SUCO: variants seen among roughly 807,000 people sequenced by gnomAD.
SUCO encodes the protein SUN domain-containing ossification factor.
A neutral mutation model predicts 148.1 loss-of-function variants in SUCO; 57 were observed. That is an observed-to-expected ratio of 0.38 (90% confidence interval 0.31 to 0.48). The LOEUF is 0.48. SUCO is among the 20% of genes least tolerant of loss of function. The pLI, the probability that SUCO is intolerant of heterozygous loss-of-function variation, is 0.96. For synonymous variants in SUCO, 470 were observed against 502.7 expected, an observed-to-expected ratio of 0.93 and a Z score of 0.87; for missense variants, 1,331 against 1,468.2, an observed-to-expected ratio of 0.91 and a Z score of 1.53.
chr1:172,609,763 T>C, intron 23 of SUCO, 53 bp from the exon 24 acceptor site: 1 of 1,542,164 alleles, frequency 6.5e-7, no homozygotes, highest in Non-Finnish European at 8.7e-7. Context: ...AGGTGTTTGA[T>C]AAGGTTACTA....
chr1:172,579,067 T>G, intron 14 of SUCO, 135 bp from the exon 15 acceptor site: 1 of 590,552 alleles, frequency 1.7e-6, no homozygotes. Context: ...GAACATGTTT[T>G]AGATATATGA....
chr1:172,546,679 C>T (rs577066609), intron 1 of SUCO, among the ~76,000 whole-genome samples: 33 of 152,256 alleles, frequency 2.2e-4, no homozygotes, highest in Non-Finnish European at 4.4e-4. Context: ...GAGGCCAAGG[C>T]GGGTGGATCA....
chr1:172,575,474 G>T (rs757952874), intron 10 of SUCO, 44 bp from the exon 11 acceptor site: 74 of 1,356,812 alleles, frequency 5.5e-5, no homozygotes, highest in Non-Finnish European at 7.2e-5. Context: ...TTCAATATGT[G>T]GTTTATAATT....
intron 22 of SUCO, among the ~76,000 whole-genome samples, chr1:172,606,993 C>A (rs1479231059): frequency 1.3e-5 from 2 of 151,702 alleles, no homozygotes; most frequent in African/African-American, 4.8e-5. Context: ...GTTATTTTTT[C>A]CATTTCCAGG....
At chr1:172,605,200 T>C (rs1657787258) in intron 22 of SUCO, among the ~76,000 whole-genome samples, 1 of 151,886 alleles carries the variant, frequency 6.6e-6, no homozygotes, top group South Asian at 2.1e-4. Flanking sequence ...ATTTGTCTAT[T>C]GTGTTTTTGT....
In SUCO at chr1:172,610,201, G is replaced by A. The variant is rs140812356; in HGVS notation, c.3707G>A (p.Gly1236Glu). The A allele has an allele frequency of 6.2e-7, 1 of 1,611,716 alleles. No individual in the cohort carries two copies. The highest frequency in any genetic ancestry group is 8.5e-7 in the Non-Finnish European group (1 of 1,179,326). ...SLPSLHDIIKGNKEITVGTFG... is the reference protein window; with the variant it reads ...SLPSLHDIIKENKEITVGTFG... ...CCGAGCCTGCATGACATAATCAAAGGAAACAAAGAGATCACCGTGGGAACA... is the reference window on the plus strand; with the variant it reads ...CCGAGCCTGCATGACATAATCAAAGAAAACAAAGAGATCACCGTGGGAACA... Residue 1236 changes from glycine to glutamate, a missense_variant, in exon 24 of 24, where the codon GGA becomes GAA. Physicochemically the swap from Gly to Glu is moderately conservative, Grantham distance 98. Transcript: ENST00000263688.
chr1:172,562,339 T>TA (rs1654227908), intron 6 of SUCO, among the ~76,000 whole-genome samples: 1 of 150,558 alleles, frequency 6.6e-6, no homozygotes, highest in African/African-American at 2.5e-5. Context: ...TTTTTTTTTT[T>TA]TTTTTTTTAT....
At chr1:172,540,154 G>T (rs912722354) in intron 1 of SUCO, among the ~76,000 whole-genome samples, 5 of 152,190 alleles carry the variant, frequency 3.3e-5, no homozygotes, top group African/African-American at 1.2e-4. Flanking sequence ...TTAACAGCTT[G>T]CCCAAGTTCT....
At chr1:172,590,212 T>G (rs1462508548) in intron 18 of SUCO, 1 of 514,590 alleles carries the variant, frequency 1.9e-6, no homozygotes, top group Non-Finnish European at 2.5e-6. Context: ...TTCGGTTGCT[T>G]AACTTTAGCC....
intron 19 of SUCO, among the ~76,000 whole-genome samples, chr1:172,595,114 T>C (rs1656997928): frequency 6.6e-6 from 1 of 152,222 alleles, no homozygotes; most frequent in Non-Finnish European, 1.5e-5. Flanking sequence ...ACCCCTGCTT[T>C]TTTTTGTTTT....
intron 15 of SUCO, among the ~76,000 whole-genome samples, chr1:172,582,524 C>G (rs928050889): frequency 2.0e-5 from 3 of 151,948 alleles, no homozygotes; most frequent in Non-Finnish European, 4.4e-5. Context: ...TTGCCCAATT[C>G]AAAAATTTAA....
intron 6 of SUCO, among the ~76,000 whole-genome samples, chr1:172,560,620 C>A (rs1654077550): frequency 6.6e-6 from 1 of 152,146 alleles, no homozygotes; most frequent in African/African-American, 2.4e-5. Flanking sequence ...CTGATTCCTG[C>A]CAGAATTAAT....
intron 15 of SUCO, among the ~76,000 whole-genome samples, chr1:172,582,867 A>G (rs774793707): frequency 4.6e-5 from 7 of 152,174 alleles, no homozygotes; most frequent in Non-Finnish European, 8.8e-5. Context: ...AAAAGGGTGA[A>G]TAGAAGGATC....
chr1:172,553,955 T>C (rs902746367), intron 3 of SUCO, among the ~76,000 whole-genome samples: 2 of 152,174 alleles, frequency 1.3e-5, no homozygotes, highest in Admixed American at 6.5e-5. Context: ...CTGAAGGTAC[T>C]GGGGATATTT....
At chr1:172,557,545 C>A in intron 5 of SUCO, 99 bp from the exon 6 acceptor site, 1 of 1,475,934 alleles carries the variant, frequency 6.8e-7, no homozygotes, top group South Asian at 1.3e-5. Flanking sequence ...GTGTTTCTTC[C>A]TTGGTTTACT....
chr1:172,561,763 C>T (rs12756519), intron 6 of SUCO, among the ~76,000 whole-genome samples: 28,386 of 152,088 alleles, frequency 0.19, 3,136 homozygotes, highest in South Asian at 0.27. Context: ...TACAAGTCCC[C>T]TGACTCCAAG....
At chr1:172,595,607 C>T (rs1657035972) in intron 19 of SUCO, among the ~76,000 whole-genome samples, 1 of 152,184 alleles carries the variant, frequency 6.6e-6, no homozygotes, top group Admixed American at 6.5e-5. Flanking sequence ...TATTGGCCCC[C>T]ACTCTCTTCT....
At chr1:172,554,697 A>G (rs992714194) in intron 3 of SUCO, among the ~76,000 whole-genome samples, 22 of 150,674 alleles carry the variant, frequency 1.5e-4, no homozygotes, top group Non-Finnish European at 2.8e-4. Flanking sequence ...AGATCATGCC[A>G]CTGCACTCCA....
chr1:172,564,085 G>C (rs113499394), intron 6 of SUCO, among the ~76,000 whole-genome samples: 76 of 152,384 alleles, frequency 5.0e-4, no homozygotes, highest in African/African-American at 1.5e-3. Flanking sequence ...GGGAACTTCT[G>C]CCTAGATTTC....
Sources: gnomAD v4.1 joint callset for allele counts (sites outside exome capture counted in the v4.1 genomes callset) on GRCh38, gnomAD v4.1.1 for gene constraint, MANE v1.5 for transcripts, NCBI Gene and HGNC (gene_info 2026-07-23, HGNC 2026-07-21) for gene names.